The following RYR2 variants were observed in gnomAD, a reference collection of about 807,000 sequenced individuals.
RYR2 encodes the protein cardiac muscle ryanodine receptor-calcium release channel.
Under a neutral mutation model 601.1 loss-of-function variants are expected in RYR2, and 227 were observed. The observed-to-expected ratio is 0.38, with a 90% confidence interval of 0.34 to 0.42. The LOEUF is 0.42. RYR2 is among the 10% of genes least tolerant of loss of function. The pLI is 1.00. For missense variants in RYR2, 4,646 were observed against 6,156.5 expected, an observed-to-expected ratio of 0.75 and a Z score of 8.21; for synonymous variants, 2,223 against 2,175.1, an observed-to-expected ratio of 1.02 and a Z score of -0.61.
rs1347900567 is a variant in RYR2, at chr1:237,565,157, C to CTTTCTCTTTCTT, written c.3215-1409_3215-1408insTTCTCTTTCTTT. Among the ~76,000 whole-genome samples the CTTTCTCTTTCTT allele has an allele frequency of 3.0e-4, 16 of 52,864 alleles. 1 individual carries two copies. Among genetic ancestry groups the CTTTCTCTTTCTT allele is most frequent in the Non-Finnish European group, 4.5e-4 (9 of 20,172 alleles). The allele number at this position is 52,864 out of a possible 152,430, so 34.7% of individuals were successfully genotyped here. ...TTTCTTTCTTTTTCTTTCTTTCTTT[C>CTTTCTCTTTCTT]TCTTTCTTTCTTTCTTTCTTTCTTT... is the stretch of plus-strand genomic sequence containing the variant. On this transcript the variant is annotated intron_variant, in intron 27 of 104. Transcript: ENST00000366574.
At chr1:237,381,759 T>A (rs1382293271) in intron 8 of RYR2, among the ~76,000 whole-genome samples, 1 of 152,162 alleles carries the variant, frequency 6.6e-6, no homozygotes, top group Non-Finnish European at 1.5e-5. Flanking sequence ...TGTTGAACAT[T>A]GGGGCTCAAT....
At chr1:237,519,576 C>A (rs777035931) in intron 24 of RYR2, among the ~76,000 whole-genome samples, 5 of 151,948 alleles carry the variant, frequency 3.3e-5, no homozygotes, top group Non-Finnish European at 7.4e-5. Flanking sequence ...TTTGTGAAAG[C>A]CAACAAATAT....
chr1:237,339,682 T>C (rs918715053), intron 3 of RYR2, among the ~76,000 whole-genome samples: 1 of 152,116 alleles, frequency 6.6e-6, no homozygotes, highest in Non-Finnish European at 1.5e-5. Context: ...TGATCCAAGC[T>C]CTAGGTGAGA....
intron 11 of RYR2, among the ~76,000 whole-genome samples, chr1:237,419,361 T>A (rs1705330928): frequency 6.6e-6 from 1 of 152,172 alleles, no homozygotes; most frequent in Admixed American, 6.5e-5. Flanking sequence ...TTGTTATCGA[T>A]ACTATTGATG....
At chr1:237,366,384 C>T (rs1400050985) in intron 5 of RYR2, among the ~76,000 whole-genome samples, 1 of 152,068 alleles carries the variant, frequency 6.6e-6, no homozygotes, top group Non-Finnish European at 1.5e-5. Flanking sequence ...CTTCGGTGAC[C>T]CTGTTGTGTG....
chr1:237,633,777 C>T (rs774605922), intron 43 of RYR2, 67 bp downstream of exon 43: 106 of 1,461,770 alleles, frequency 7.3e-5, no homozygotes, highest in African/African-American at 1.1e-4. Context: ...AAAAAGCAAA[C>T]GTTTTGTTAA....
intron 10 of RYR2, among the ~76,000 whole-genome samples, chr1:237,403,938 C>T (rs924391896): frequency 6.6e-6 from 1 of 152,136 alleles, no homozygotes; most frequent in Admixed American, 6.5e-5. Context: ...ATTATAAAAA[C>T]AGCAAAAACA....
At chr1:237,660,117 T>G (rs969909844) in intron 55 of RYR2, 43 bp downstream of exon 55, 11 of 1,140,172 alleles carry the variant, frequency 9.6e-6, no homozygotes, top group African/African-American at 1.6e-5. Context: ...GTTTTTATTC[T>G]TTTGAAAAAT....
intron 25 of RYR2, among the ~76,000 whole-genome samples, chr1:237,530,852 G>A (rs1448282350): frequency 6.6e-6 from 1 of 151,920 alleles, no homozygotes; most frequent in East Asian, 1.9e-4. Context: ...AGAGGCTGCA[G>A]TGAGTCAAGA....
intron 29 of RYR2, among the ~76,000 whole-genome samples, chr1:237,583,382 C>G (rs1179150302): frequency 1.3e-5 from 2 of 152,086 alleles, no homozygotes; most frequent in Non-Finnish European, 2.9e-5. Context: ...TGTAGATTGT[C>G]CTTCTCAGCA....
intron 2 of RYR2, among the ~76,000 whole-genome samples, chr1:237,325,559 G>C (rs1696077510): frequency 6.6e-6 from 1 of 151,966 alleles, no homozygotes; most frequent in African/African-American, 2.4e-5. Flanking sequence ...GTGGTGGCGG[G>C]TGCCTGTAGT....
chr1:237,615,683 G>T (rs561992908), intron 37 of RYR2, among the ~76,000 whole-genome samples: 2 of 152,178 alleles, frequency 1.3e-5, no homozygotes, highest in South Asian at 4.2e-4. Flanking sequence ...TGCACTTAGG[G>T]GAAACACAAG....
intron 2 of RYR2, among the ~76,000 whole-genome samples, chr1:237,288,450 G>C (rs537628304): frequency 2.0e-5 from 3 of 151,670 alleles, no homozygotes; most frequent in Non-Finnish European, 2.9e-5. Flanking sequence ...GGCTAGGCAC[G>C]TTTGAGCTCA....
At chr1:237,661,946 C>T (rs1283227011) in intron 56 of RYR2, among the ~76,000 whole-genome samples, 2 of 152,094 alleles carry the variant, frequency 1.3e-5, no homozygotes, top group African/African-American at 4.8e-5. Context: ...CTTTGACCCC[C>T]TCATTTCTCC....
chr1:237,148,034 G>A (rs1674208600), intron 1 of RYR2, among the ~76,000 whole-genome samples: 1 of 152,134 alleles, frequency 6.6e-6, no homozygotes, highest in African/African-American at 2.4e-5. Context: ...TGGAAATTTT[G>A]CATAATATGA....
At chr1:237,611,030 G>A in intron 36 of RYR2, 42 bp downstream of exon 36, 1 of 1,554,524 alleles carries the variant, frequency 6.4e-7, no homozygotes, top group Non-Finnish European at 8.8e-7. Context: ...TGGGACGCTT[G>A]GGATTAGCCT....
At chr1:237,138,974 G>T (rs919022494) in intron 1 of RYR2, among the ~76,000 whole-genome samples, 2 of 152,160 alleles carry the variant, frequency 1.3e-5, no homozygotes, top group Non-Finnish European at 2.9e-5. Flanking sequence ...AAACAGACTA[G>T]ATTTCCTTCA....
chr1:237,478,504 A>C (rs1355154943), intron 17 of RYR2, among the ~76,000 whole-genome samples: 1 of 152,188 alleles, frequency 6.6e-6, no homozygotes, highest in Non-Finnish European at 1.5e-5. Flanking sequence ...CTACAAGATT[A>C]ATTTGATTTA....
chr1:237,806,796 T>C lies in RYR2; in HGVS notation c.14298+513T>C, dbSNP rs1574036268. On this transcript the variant is annotated intron_variant, in intron 99 of 104. Transcript: ENST00000366574. ...GAGCAAAAAGGATAACGTTTCATAT[T>C]TGACAAGGTCATGCTGACTCGGAAG... is the stretch of plus-strand genomic sequence containing the variant. Among the ~76,000 whole-genome samples, 8 of 152,306 alleles carry C rather than the reference T, an allele frequency of 5.3e-5. No homozygotes were observed. The South Asian group carries it at 1.7e-3, about 32-fold the overall frequency.
Sources: allele counts gnomAD v4.1 joint callset (sites outside exome capture counted in the v4.1 genomes callset), GRCh38; gene constraint gnomAD v4.1.1; transcripts MANE v1.5; gene names NCBI Gene and HGNC (gene_info 2026-07-23, HGNC 2026-07-21).